CALN1: variants seen among roughly 807,000 people sequenced by gnomAD.
The protein encoded by CALN1 is calcium-binding protein 8.
In CALN1, 17 loss-of-function variants were observed where a neutral mutation model predicts 30.6. The observed-to-expected ratio is 0.56, with a 90% CI of 0.38 to 0.83. The LOEUF (loss-of-function observed/expected upper bound fraction) is 0.83. CALN1 is among the 40% of genes least tolerant of loss of function. The pLI, the probability that CALN1 is intolerant of heterozygous loss-of-function variation, is 0.00. For missense variants in CALN1, 291 were observed against 354.9 expected (o/e 0.82, Z 1.45); for synonymous variants, 156 against 131.4 (o/e 1.19, Z -1.28).
chr7:71,866,438 T>C (rs1253820510), intron 5 of CALN1, among the ~76,000 whole-genome samples: 2 of 152,164 alleles, frequency 1.3e-5, no homozygotes, highest in Non-Finnish European at 2.9e-5. Context: ...CTTATAGACA[T>C]TTCCCCATTT....
chr7:72,427,153 T>A (rs561381920), intron 1 of CALN1, among the ~76,000 whole-genome samples: 7 of 152,262 alleles, frequency 4.6e-5, no homozygotes, highest in Admixed American at 3.3e-4. Flanking sequence ...TGACTAATTT[T>A]AAAAAATTAT....
At chr7:72,423,309 G>A (rs1807677604) in intron 1 of CALN1, among the ~76,000 whole-genome samples, 1 of 152,058 alleles carries the variant, frequency 6.6e-6, no homozygotes, top group Non-Finnish European at 1.5e-5. Flanking sequence ...CTGGACAAAT[G>A]TGCTTCTTTT....
chr7:71,856,632 C>T (rs1790963561), intron 5 of CALN1, among the ~76,000 whole-genome samples: 1 of 152,012 alleles, frequency 6.6e-6, no homozygotes, highest in Non-Finnish European at 1.5e-5. Context: ...TATTTGTTTT[C>T]CCAAGACTAT....
At chr7:71,913,197 A>C (rs528718796) in intron 5 of CALN1, among the ~76,000 whole-genome samples, 3 of 152,348 alleles carry the variant, frequency 2.0e-5, no homozygotes, top group African/African-American at 7.2e-5. Flanking sequence ...AGTAAAGAGA[A>C]ACGAGGAGCT....
intron 5 of CALN1, among the ~76,000 whole-genome samples, chr7:71,926,439 G>A (rs1795273949): frequency 6.6e-6 from 1 of 152,162 alleles, no homozygotes; most frequent in South Asian, 2.1e-4. Flanking sequence ...TCTCCAATAG[G>A]CCTATTGGAG....
chr7:72,197,037 A>C (rs1317328765), intron 3 of CALN1, among the ~76,000 whole-genome samples: 1 of 152,132 alleles, frequency 6.6e-6, no homozygotes, highest in Non-Finnish European at 1.5e-5. Context: ...ATGCACTTAA[A>C]ACTATGAAAT....
Position 72,077,264 on chromosome 7 carries a change from A to ATTTAT in CALN1, c.388+28882_388+28886dup, listed in dbSNP as rs576872650. 3.1e-3 allele frequency among the ~76,000 whole-genome samples: 474 copies of ATTTAT among 151,216 alleles called. 3 individuals are homozygous for ATTTAT. Among genetic ancestry groups the ATTTAT allele is most frequent in the African/African-American group, 0.011 (445 of 41,168 alleles). On this transcript the variant is annotated intron_variant, in intron 4 of 6. Transcript: ENST00000395275. ...ACACTAGCTGGGGCAAAGAAGGAAT[A>ATTTAT]TTTATTTTATTTTATTTTATTTATT... is the stretch of plus-strand genomic sequence containing the variant.
chr7:72,078,049 G>A (rs1436030241), intron 4 of CALN1, among the ~76,000 whole-genome samples: 2 of 152,130 alleles, frequency 1.3e-5, no homozygotes, highest in African/African-American at 2.4e-5. Context: ...AGCAATCCCG[G>A]CTAATGACTA....
intron 5 of CALN1, among the ~76,000 whole-genome samples, chr7:71,818,720 A>T (rs200681165): frequency 2.2e-4 from 17 of 77,588 alleles, no homozygotes; most frequent in South Asian, 4.2e-4. Flanking sequence ...TTATTTATTT[A>T]TTTTTTTGAG....
chr7:71,957,520 C>T (rs528676613), intron 5 of CALN1, among the ~76,000 whole-genome samples: 6 of 152,288 alleles, frequency 3.9e-5, no homozygotes, highest in Admixed American at 1.3e-4. Flanking sequence ...TACCCCATTA[C>T]GATCTGTCGC....
intron 3 of CALN1, among the ~76,000 whole-genome samples, chr7:72,121,890 TAA>T (rs1168369832): frequency 2.0e-5 from 3 of 147,446 alleles, no homozygotes; most frequent in African/African-American, 7.4e-5. Context: ...AAATTATATA[TAA>T]TATATATTTT....
intron 5 of CALN1, among the ~76,000 whole-genome samples, chr7:71,977,119 T>C (rs1798138735): frequency 6.6e-6 from 1 of 152,340 alleles, no homozygotes; most frequent in Middle Eastern, 3.4e-3. Context: ...CCTGATGTCA[T>C]AGAACTGATT....
intron 3 of CALN1, among the ~76,000 whole-genome samples, chr7:72,256,227 C>T (rs952983845): frequency 3.9e-5 from 6 of 152,056 alleles, no homozygotes; most frequent in Admixed American, 6.6e-5. Context: ...AGGAGGCCTA[C>T]GTGGGAGGGT....
At chr7:71,963,313 C>T (rs1194534332) in intron 5 of CALN1, among the ~76,000 whole-genome samples, 2 of 152,090 alleles carry the variant, frequency 1.3e-5, no homozygotes, top group African/African-American at 4.8e-5. Context: ...CAGGTGCACG[C>T]CACCACGCCC....
chr7:71,954,061 C>T (rs561258602), intron 5 of CALN1, among the ~76,000 whole-genome samples: 4 of 152,276 alleles, frequency 2.6e-5, no homozygotes, highest in South Asian at 2.1e-4. Context: ...CAGTGGCCCA[C>T]GCCTGTAATC....
intron 2 of CALN1, among the ~76,000 whole-genome samples, chr7:72,315,562 T>C (rs950095258): frequency 6.6e-6 from 1 of 151,664 alleles, no homozygotes; most frequent in Non-Finnish European, 1.5e-5. Flanking sequence ...AAAAATTAGA[T>C]GGTGTGGTGG....
intron 4 of CALN1, among the ~76,000 whole-genome samples, chr7:72,059,526 T>A (rs1239877977): frequency 1.3e-5 from 2 of 152,206 alleles, no homozygotes; most frequent in Non-Finnish European, 2.9e-5. Context: ...GGAAATTACC[T>A]TGCTCTGAAA....
chr7:72,437,194 A>G (rs1808187366), intron 1 of CALN1, among the ~76,000 whole-genome samples: 1 of 152,142 alleles, frequency 6.6e-6, no homozygotes, highest in South Asian at 2.1e-4. Context: ...TTCTGGAAAT[A>G]CAGTCAAGTA....
intron 5 of CALN1, among the ~76,000 whole-genome samples, chr7:71,918,295 G>T (rs980397844): frequency 7.9e-4 from 121 of 152,302 alleles, no homozygotes; most frequent in African/African-American, 2.8e-3. Flanking sequence ...TCGAAGAGTC[G>T]TGAGGCAGGT....
Sources: gnomAD v4.1 joint callset for allele counts (sites outside exome capture counted in the v4.1 genomes callset) on GRCh38, gnomAD v4.1.1 for gene constraint, MANE v1.5 for transcripts, NCBI Gene and HGNC (gene_info 2026-07-23, HGNC 2026-07-21) for gene names.